Variants in FGF14 observed in about 807,000 individuals in gnomAD.
The protein encoded by FGF14 is fibroblast growth factor homologous factor 4.
In FGF14, 5 loss-of-function variants were observed where a neutral mutation model predicts 25.5. The ratio of observed to expected loss-of-function variants is 0.20; its 90% CI spans 0.10 to 0.41. The LOEUF (loss-of-function observed/expected upper bound fraction) is 0.41, where lower values mean the gene tolerates loss of function less well. Ranked by LOEUF, FGF14 falls within the 10% of genes least tolerant of loss-of-function variation. The probability of loss-of-function intolerance (pLI) is 1.00; values close to 1 mark genes in which losing one functional copy is unlikely to be tolerated. For missense variants in FGF14, 222 were observed against 320.1 expected (o/e 0.69, Z 2.34); for synonymous variants, 138 against 118.3 (o/e 1.17, Z -1.08).
At chr13:102,004,745 G>A (rs1004849868) in intron 1 of FGF14, among the ~76,000 whole-genome samples, 2 of 152,152 alleles carry the variant, frequency 1.3e-5, no homozygotes, top group African/African-American at 2.4e-5. Context: ...CCGATGGGAG[G>A]TAATTGAATC....
intron 2 of FGF14, among the ~76,000 whole-genome samples, chr13:101,870,216 A>C (rs984182853): frequency 6.6e-5 from 10 of 151,394 alleles, no homozygotes; most frequent in Non-Finnish European, 1.5e-4. Context: ...GGAGTTGTTG[A>C]GTACAGCTAC....
intron 1 of FGF14, among the ~76,000 whole-genome samples, chr13:101,977,041 T>C (rs967345443): frequency 2.0e-5 from 3 of 152,214 alleles, no homozygotes; most frequent in African/African-American, 7.2e-5. Context: ...TTACATTTGA[T>C]ATGCAGTTTC....
intron 1 of FGF14, among the ~76,000 whole-genome samples, chr13:102,161,579 A>ACCC (rs1566763900): frequency 4.0e-4 from 1 of 2,504 alleles, no homozygotes; most frequent in African/African-American, 5.7e-3. Context: ...GAAAGAAAGA[A>ACCC]GAAGAAGAAG....
chr13:101,743,754 T>C (rs1238774896), intron 3 of FGF14, among the ~76,000 whole-genome samples: 1 of 152,182 alleles, frequency 6.6e-6, no homozygotes, highest in East Asian at 1.9e-4. Context: ...CATCTGTAGA[T>C]ATTTTTACCA....
intron 3 of FGF14, among the ~76,000 whole-genome samples, chr13:101,778,668 C>A (rs149114997): frequency 1.3e-5 from 2 of 152,108 alleles, no homozygotes; most frequent in Non-Finnish European, 2.9e-5. Flanking sequence ...GCTCTTTAGG[C>A]CCACACAACC....
At chr13:101,821,136 G>A (rs2042132212) in intron 3 of FGF14, among the ~76,000 whole-genome samples, 1 of 151,890 alleles carries the variant, frequency 6.6e-6, no homozygotes, top group African/African-American at 2.4e-5. Flanking sequence ...TTTTAGTAGA[G>A]ACAGGGTTTC....
rs1047291191 is a variant in FGF14 at position 102,387,396 on chromosome 13, A to G, written c.208+14075T>C. Among the ~76,000 whole-genome samples the G allele has an allele frequency of 9.8e-5, 15 of 152,294 alleles. 1 individual carries two copies. Among genetic ancestry groups the G allele is most frequent in the African/African-American group, 3.4e-4 (14 of 41,562 alleles). On this transcript the variant is annotated intron_variant, in intron 1 of 4. Coordinates refer to the FGF14 transcript ENST00000376131. ...TGTGTATCTCCTCTAAGCAATGATC[A>G]TAAAGGTTACTAAAACATATGATCA...
At chr13:102,061,505 A>G (rs2042689103) in intron 1 of FGF14, among the ~76,000 whole-genome samples, 1 of 152,260 alleles carries the variant, frequency 6.6e-6, no homozygotes, top group African/African-American at 2.4e-5. Flanking sequence ...AGACAAAAAT[A>G]GTGGGTTTTA....
At chr13:102,094,979 G>T (rs1008846416) in intron 1 of FGF14, among the ~76,000 whole-genome samples, 2 of 152,094 alleles carry the variant, frequency 1.3e-5, no homozygotes, top group Non-Finnish European at 2.9e-5. Context: ...GTACTTTATG[G>T]AAGGGGTTAT....
At chr13:101,789,519 A>T (rs1021632731) in intron 3 of FGF14, among the ~76,000 whole-genome samples, 1 of 152,140 alleles carries the variant, frequency 6.6e-6, no homozygotes, top group Non-Finnish European at 1.5e-5. Flanking sequence ...AACATATTTC[A>T]CAGATTCTCT....
intron 1 of FGF14, among the ~76,000 whole-genome samples, chr13:101,953,998 T>C (rs993086601): frequency 6.6e-6 from 1 of 152,182 alleles, no homozygotes; most frequent in African/African-American, 2.4e-5. Flanking sequence ...AGGGAATAAC[T>C]AGAGATTGCT....
intron 1 of FGF14, among the ~76,000 whole-genome samples, chr13:102,073,396 T>C (rs2043228986): frequency 1.3e-5 from 2 of 152,222 alleles, no homozygotes; most frequent in Admixed American, 1.3e-4. Flanking sequence ...GCCTTCACCA[T>C]ATGCTTCCTG....
intron 1 of FGF14, among the ~76,000 whole-genome samples, chr13:101,957,807 A>C (rs2036600509): frequency 6.6e-6 from 1 of 152,176 alleles, no homozygotes; most frequent in Non-Finnish European, 1.5e-5. Context: ...GCATGACTTA[A>C]GGAAACCATT....
At chr13:101,887,990 T>G (rs1487882295) in intron 1 of FGF14, among the ~76,000 whole-genome samples, 2 of 152,140 alleles carry the variant, frequency 1.3e-5, no homozygotes, top group Non-Finnish European at 2.9e-5. Context: ...GAGTCAGAGA[T>G]GGCCAAGATG....
At chr13:102,060,482 C>T (rs1291152349) in intron 1 of FGF14, among the ~76,000 whole-genome samples, 4 of 152,142 alleles carry the variant, frequency 2.6e-5, no homozygotes, top group African/African-American at 4.8e-5. Context: ...GCCGAGATCG[C>T]GCCACTGCAC....
At chr13:102,183,031 A>G (rs565441098) in intron 1 of FGF14, among the ~76,000 whole-genome samples, 1 of 152,232 alleles carries the variant, frequency 6.6e-6, no homozygotes, top group African/African-American at 2.4e-5. Flanking sequence ...AAATTTCTGG[A>G]ATACAAGCAA....
At chr13:102,271,612 G>A (rs935720416) in intron 1 of FGF14, among the ~76,000 whole-genome samples, 2 of 152,090 alleles carry the variant, frequency 1.3e-5, no homozygotes, top group Admixed American at 6.6e-5. Context: ...TTAATATCAC[G>A]TTGTGTTTCA....
intron 1 of FGF14, among the ~76,000 whole-genome samples, chr13:102,175,867 A>C (rs1015425084): frequency 1.3e-5 from 2 of 152,178 alleles, no homozygotes; most frequent in South Asian, 4.1e-4. Context: ...CCACAATGAG[A>C]TACCACCTCA....
intron 1 of FGF14, among the ~76,000 whole-genome samples, chr13:102,039,704 C>T (rs1022501800): frequency 1.3e-5 from 2 of 152,140 alleles, no homozygotes; most frequent in Non-Finnish European, 2.9e-5. Context: ...GACCCAATTT[C>T]CACATATGGT....
Sources: allele counts gnomAD v4.1 joint callset (sites outside exome capture counted in the v4.1 genomes callset), GRCh38; gene constraint gnomAD v4.1.1; transcripts MANE v1.5; gene names NCBI Gene and HGNC (gene_info 2026-07-23, HGNC 2026-07-21).